The following PHKB variants were observed in gnomAD, a reference collection of about 807,000 sequenced individuals.
PHKB encodes the protein phosphorylase b kinase regulatory subunit beta.
In PHKB, 122 loss-of-function variants were observed where a neutral mutation model predicts 152.1. That is an observed-to-expected ratio of 0.80 (90% CI 0.69 to 0.93). The LOEUF (loss-of-function observed/expected upper bound fraction) is 0.93, where lower values mean the gene tolerates loss of function less well. Ranked by LOEUF, PHKB falls within the 40% of genes least tolerant of loss-of-function variation. PHKB has a pLI of 0.00. For synonymous variants in PHKB, 436 were observed against 464.9 expected, an observed-to-expected ratio of 0.94 and a Z score of 0.80; for missense variants, 1,304 against 1,328.4, an observed-to-expected ratio of 0.98 and a Z score of 0.29.
At chr16:47,594,064 T>G (rs1438993859) in intron 11 of PHKB, 73 bp from the exon 12 acceptor site, 6 of 778,726 alleles carry the variant, frequency 7.7e-6, no homozygotes, top group Non-Finnish European at 1.3e-5. Context: ...GGCTAATATA[T>G]TTTTTCTAAG....
rs772452194 is a variant in PHKB, at chr16:47,650,821, T to C, written c.1881-10T>C. The C allele has an allele frequency of 3.1e-6, 5 of 1,597,834 alleles. No homozygotes were observed. Among genetic ancestry groups the C allele is most frequent in the South Asian group, 1.1e-5 (1 of 90,690 alleles). On this transcript the variant is annotated splice_polypyrimidine_tract_variant and intron_variant, in intron 19 of 30. Transcript: ENST00000323584. ...TTAATCTGTACATTTTGTTTATTTATATTTTTTAGAGGTAGCCGGTTCAAC... is the reference window on the plus strand; with the variant it reads ...TTAATCTGTACATTTTGTTTATTTACATTTTTTAGAGGTAGCCGGTTCAAC...
At chr16:47,571,515 A>G (rs183489335) in intron 7 of PHKB, among the ~76,000 whole-genome samples, 2 of 152,268 alleles carry the variant, frequency 1.3e-5, no homozygotes, top group Admixed American at 1.3e-4. Flanking sequence ...AGATCAGACA[A>G]GCACCTCTGT....
chr16:47,633,116 A>T (rs1480168931), intron 14 of PHKB, among the ~76,000 whole-genome samples: 1 of 152,178 alleles, frequency 6.6e-6, no homozygotes, highest in Non-Finnish European at 1.5e-5. Context: ...TTTGAATGAG[A>T]ATATTTCTAA....
At chr16:47,547,608 A>G in intron 7 of PHKB, 60 bp downstream of exon 7, 1 of 934,736 alleles carries the variant, frequency 1.1e-6, no homozygotes, top group Non-Finnish European at 1.7e-6. Flanking sequence ...TTGAATATGA[A>G]GAAATACTGA....
chr16:47,559,444 T>G (rs765742630), intron 7 of PHKB, among the ~76,000 whole-genome samples: 1 of 152,142 alleles, frequency 6.6e-6, no homozygotes, highest in Non-Finnish European at 1.5e-5. Context: ...TTGTCTTACA[T>G]TATTATTTAT....
At chr16:47,533,404 C>T (rs1970896412) in intron 6 of PHKB, among the ~76,000 whole-genome samples, 1 of 152,190 alleles carries the variant, frequency 6.6e-6, no homozygotes, top group South Asian at 2.1e-4. Context: ...GAACCTGCCC[C>T]CTTCTGCCCA....
rs1409264144 is a variant in PHKB, at chr16:47,699,822, T to C, written c.*456T>C. The C allele has an allele frequency of 3.7e-5, 7 of 191,192 alleles. No individual in the cohort carries two copies. The highest frequency in any genetic ancestry group is 6.6e-5 in the Non-Finnish European group (6 of 90,584). The allele number at this position is 191,192 out of a possible 1,614,324, so 11.8% of individuals were successfully genotyped here. On this transcript the variant is annotated 3_prime_UTR_variant, in exon 31 of 31. Transcript: ENST00000323584. ...GTATTGTCATGCTAAAAGATGTTAA[T>C]ATACATCATAAAAGCAAAGTCAGCC...
At chr16:47,694,663 C>T (rs1053247100) in intron 28 of PHKB, among the ~76,000 whole-genome samples, 4 of 152,330 alleles carry the variant, frequency 2.6e-5, no homozygotes, top group Middle Eastern at 3.4e-3. Flanking sequence ...CAGTGCAGGG[C>T]CCAGCCCTCT....
At chr16:47,503,172 A>T in intron 4 of PHKB, 82 bp downstream of exon 4, 2 of 978,306 alleles carry the variant, frequency 2.0e-6, no homozygotes, top group Non-Finnish European at 3.2e-6. Context: ...TTTCTTCTGA[A>T]GAAGAATGTA....
chr16:47,594,745 A>T (rs1159054221), intron 12 of PHKB, among the ~76,000 whole-genome samples: 1 of 152,192 alleles, frequency 6.6e-6, no homozygotes, highest in African/African-American at 2.4e-5. Context: ...GAGTAAGGGT[A>T]TATTGGTTTC....
intron 1 of PHKB, among the ~76,000 whole-genome samples, chr16:47,468,876 C>G (rs1969716100): frequency 6.6e-6 from 1 of 152,120 alleles, no homozygotes; most frequent in Non-Finnish European, 1.5e-5. Flanking sequence ...TTTTATCTGC[C>G]TGGAAAGCTC....
chr16:47,686,539 G>A (rs931039739), intron 26 of PHKB, among the ~76,000 whole-genome samples: 26 of 152,102 alleles, frequency 1.7e-4, no homozygotes, highest in African/African-American at 2.4e-4. Context: ...AAGTAAGTTC[G>A]ATGAGCAATA....
At chr16:47,477,809 A>T (rs181293390) in intron 1 of PHKB, among the ~76,000 whole-genome samples, 80 of 152,320 alleles carry the variant, frequency 5.3e-4, no homozygotes, top group African/African-American at 1.8e-3. Flanking sequence ...AATCACATAG[A>T]TTATTCATCT....
chr16:47,532,694 A>G (rs754393464), intron 6 of PHKB, among the ~76,000 whole-genome samples: 80 of 152,364 alleles, frequency 5.3e-4, no homozygotes, highest in African/African-American at 1.9e-3. Flanking sequence ...TGGCACCCAG[A>G]AGCTTGGAGA....
In PHKB at chr16:47,648,441, G is replaced by T. The variant is rs556534036; in HGVS notation, c.1609-92G>T. ...AGGGTTCCCTAGCTTCTTTCTCTCT[G>T]GAAAGATCAAAAATTAACAGGACAA... On this transcript the variant is annotated intron_variant, in intron 16 of 30. Coordinates refer to ENST00000323584, the MANE Select transcript of PHKB (RefSeq NM_000293.3). 1.7e-3 allele frequency: 1,560 copies of T among 935,142 alleles called. 6 individuals carry two copies. The highest frequency in any genetic ancestry group is 2.1e-3 in the Non-Finnish European group (1,216 of 566,410). The allele number at this position is 935,142 out of a possible 1,614,324, so 57.9% of individuals were successfully genotyped here. A position where few individuals can be genotyped will look rare whatever the true frequency, so the allele number is the denominator to read the frequency against.
chr16:47,566,552 G>T, intron 7 of PHKB: 1 of 1,587,418 alleles, frequency 6.3e-7, no homozygotes, highest in Non-Finnish European at 8.6e-7. Flanking sequence ...GTCCTCTAAA[G>T]AATTCTTTAA....
chr16:47,698,926 T>C (rs1189158730), intron 30 of PHKB, among the ~76,000 whole-genome samples: 1 of 152,174 alleles, frequency 6.6e-6, no homozygotes, highest in Admixed American at 6.5e-5. Flanking sequence ...AGTGACAGGC[T>C]ACGTTGGTGC....
At chr16:47,662,311 G>A (rs954649328) in intron 23 of PHKB, among the ~76,000 whole-genome samples, 1 of 152,156 alleles carries the variant, frequency 6.6e-6, no homozygotes, top group Non-Finnish European at 1.5e-5. Context: ...ATGAAAACCA[G>A]TTATCCCCCA....
intron 14 of PHKB, among the ~76,000 whole-genome samples, chr16:47,621,876 A>T (rs925644503): frequency 3.3e-5 from 5 of 152,174 alleles, no homozygotes; most frequent in Non-Finnish European, 7.4e-5. Flanking sequence ...TTAAAATTCA[A>T]TGCCTTGATA....
Sources: gnomAD v4.1 joint callset for allele counts (sites outside exome capture counted in the v4.1 genomes callset) on GRCh38, gnomAD v4.1.1 for gene constraint, MANE v1.5 for transcripts, NCBI Gene and HGNC (gene_info 2026-07-23, HGNC 2026-07-21) for gene names.